Variants in C1orf146 observed in about 807,000 individuals in gnomAD.
The protein encoded by C1orf146 is chromosome 1 open reading frame 146.
C1orf146 carries 22 observed loss-of-function variants against 23.0 expected under a neutral mutation model. The ratio of observed to expected loss-of-function variants is 0.96; its 90% CI spans 0.68 to 1.36. C1orf146 has a LOEUF of 1.36. Among genes scored for constraint, C1orf146 ranks in the 40% most tolerant of loss-of-function variants. The pLI is 0.00. For missense variants in C1orf146, 199 were observed against 206.8 expected, an observed-to-expected ratio of 0.96 and a Z score of 0.23; for synonymous variants, 59 against 65.3, an observed-to-expected ratio of 0.90 and a Z score of 0.47.
intron 1 of C1orf146, among the ~76,000 whole-genome samples, chr1:92,221,330 G>A (rs1651813032): frequency 6.6e-6 from 1 of 152,126 alleles, no homozygotes. Context: ...GGGACTACTA[G>A]AGGGGAGAGG....
At chr1:92,218,909 G>A (rs1171942085) in intron 1 of C1orf146, among the ~76,000 whole-genome samples, 1 of 152,114 alleles carries the variant, frequency 6.6e-6, no homozygotes, top group East Asian at 1.9e-4. Flanking sequence ...CCAGCCCCAG[G>A]TTTCTGATTC....
chr1:92,244,249 T>A lies in C1orf146; in HGVS notation c.193T>A (p.Cys65Ser), dbSNP rs748677441. 1.9e-6 allele frequency: 3 copies of A among 1,601,954 alleles called. No individual in the cohort carries two copies. The highest frequency in any genetic ancestry group is 2.6e-6 in the Non-Finnish European group (3 of 1,171,680). ...VAFLLMDTKECLLSTEEIFLA... is the reference protein window; with the variant it reads ...VAFLLMDTKESLLSTEEIFLA... Reference sequence around the variant, plus strand: ...ATTTTTATTAATGGATACTAAGGAATGTCTTCTGTCAACTGAAGAAATATT... The same window carrying A: ...ATTTTTATTAATGGATACTAAGGAAAGTCTTCTGTCAACTGAAGAAATATT... The change falls in exon 4 of 6, where the codon TGT becomes AGT. Residue 65 changes from cysteine (C) to serine (S), a missense_variant. Physicochemically the swap from Cys to Ser is moderately radical, Grantham distance 112 (BLOSUM62 -1). Transcript: ENST00000370375.
intron 2 of C1orf146, among the ~76,000 whole-genome samples, chr1:92,234,608 G>A (rs1323902874): frequency 6.6e-6 from 1 of 152,226 alleles, no homozygotes; most frequent in Non-Finnish European, 1.5e-5. Context: ...TTTGGTATCA[G>A]GATGATGCTG....
At chr1:92,243,233 T>TCC (rs1652473136) in intron 3 of C1orf146, among the ~76,000 whole-genome samples, 1 of 152,082 alleles carries the variant, frequency 6.6e-6, no homozygotes, top group Non-Finnish European at 1.5e-5. Flanking sequence ...TCAGACTGTC[T>TCC]CCCACATCGT....
At chr1:92,223,573 C>T (rs1220257332) in intron 1 of C1orf146, among the ~76,000 whole-genome samples, 1 of 152,038 alleles carries the variant, frequency 6.6e-6, no homozygotes, top group African/African-American at 2.4e-5. Flanking sequence ...TGCTCTGTTG[C>T]CCAGGCTGGA....
At chr1:92,228,597 C>T (rs1652027133) in intron 1 of C1orf146, among the ~76,000 whole-genome samples, 2 of 152,132 alleles carry the variant, frequency 1.3e-5, no homozygotes, top group African/African-American at 4.8e-5. Context: ...TTCAGGAGCC[C>T]TTGCCAGCCT....
intron 1 of C1orf146, among the ~76,000 whole-genome samples, chr1:92,222,314 G>C (rs1220541120): frequency 6.6e-6 from 1 of 151,938 alleles, no homozygotes; most frequent in Non-Finnish European, 1.5e-5. Flanking sequence ...ACATATGCAT[G>C]TATATATAAC....
At chr1:92,223,462 A>G (rs1651886685) in intron 1 of C1orf146, among the ~76,000 whole-genome samples, 1 of 152,042 alleles carries the variant, frequency 6.6e-6, no homozygotes, top group Admixed American at 6.6e-5. Flanking sequence ...TTGGTGAATA[A>G]CCTGCTTAAA....
intron 2 of C1orf146, 57 bp downstream of exon 2, chr1:92,231,543 A>T: frequency 8.3e-7 from 1 of 1,201,480 alleles, no homozygotes; most frequent in Non-Finnish European, 1.2e-6. Context: ...AGCAGCTTTC[A>T]TATAGAACAA....
At chr1:92,238,498 T>C (rs1253841481) in intron 2 of C1orf146, among the ~76,000 whole-genome samples, 1 of 152,248 alleles carries the variant, frequency 6.6e-6, no homozygotes, top group African/African-American at 2.4e-5. Context: ...AGGACTAATA[T>C]TCTATGAAAC....
chr1:92,240,052 T>C (rs1034939890), intron 2 of C1orf146, among the ~76,000 whole-genome samples: 2 of 152,218 alleles, frequency 1.3e-5, no homozygotes, highest in African/African-American at 4.8e-5. Flanking sequence ...ATAATTCAGA[T>C]GAGGAGACCT....
chr1:92,244,767 A>G lies in C1orf146; in HGVS notation c.330-12A>G, dbSNP rs984929759. On this transcript the variant is annotated splice_polypyrimidine_tract_variant and intron_variant, in intron 4 of 5. Coordinates refer to ENST00000370375, the MANE Select transcript of C1orf146 (RefSeq NM_001012425.2). ...AAGTTATATGATCTGTATAACATGAATTGTTTTTCAGATTCCTGGGTTGTA... is the reference window on the plus strand; with the variant it reads ...AAGTTATATGATCTGTATAACATGAGTTGTTTTTCAGATTCCTGGGTTGTA... The G allele has an allele frequency of 1.9e-6, 3 of 1,549,742 alleles. No individual in the cohort carries two copies. The highest frequency in any genetic ancestry group is 2.7e-6 in the Non-Finnish European group (3 of 1,122,606).
intron 2 of C1orf146, among the ~76,000 whole-genome samples, chr1:92,232,351 C>T (rs1652149720): frequency 6.7e-6 from 1 of 149,180 alleles, no homozygotes; most frequent in Non-Finnish European, 1.5e-5. Context: ...TGAGTGAGAA[C>T]ATGCGGTGTT....
At chr1:92,236,161 C>G (rs1332238264) in intron 2 of C1orf146, among the ~76,000 whole-genome samples, 1 of 151,544 alleles carries the variant, frequency 6.6e-6, no homozygotes, top group Non-Finnish European at 1.5e-5. Context: ...ATGATGTTAG[C>G]TGGTTATTTT....
intron 3 of C1orf146, among the ~76,000 whole-genome samples, chr1:92,243,378 G>T (rs541068523): frequency 6.6e-6 from 1 of 152,188 alleles, no homozygotes; most frequent in Non-Finnish European, 1.5e-5. Context: ...ATGGAGTCTT[G>T]CTTTGTTGCC....
At chr1:92,220,747 A>C (rs569901758) in intron 1 of C1orf146, among the ~76,000 whole-genome samples, 285 of 152,320 alleles carry the variant, frequency 1.9e-3, no homozygotes, top group African/African-American at 6.5e-3. Context: ...GCCAATTCTA[A>C]CTATGGACCA....
intron 2 of C1orf146, among the ~76,000 whole-genome samples, chr1:92,237,500 G>A (rs1652313211): frequency 6.6e-6 from 1 of 152,178 alleles, no homozygotes; most frequent in Non-Finnish European, 1.5e-5. Context: ...GCCGTATGAG[G>A]TGTCAGTCTG....
At chr1:92,229,157 C>T in intron 1 of C1orf146, 1 of 527,192 alleles carries the variant, frequency 1.9e-6, no homozygotes, top group South Asian at 1.6e-5. Flanking sequence ...GTGCAATGAT[C>T]TTGATCTTCA....
chr1:92,220,709 A>G (rs547728737), intron 1 of C1orf146, among the ~76,000 whole-genome samples: 4 of 152,352 alleles, frequency 2.6e-5, no homozygotes, highest in South Asian at 2.1e-4. Context: ...TTCTGTATCT[A>G]TATTAACAAT....
Sources: allele counts gnomAD v4.1 joint callset (sites outside exome capture counted in the v4.1 genomes callset), GRCh38; gene constraint gnomAD v4.1.1; transcripts MANE v1.5; gene names NCBI Gene and HGNC (gene_info 2026-07-23, HGNC 2026-07-21).